The following RC3H2 variants were observed in gnomAD, a reference collection of about 807,000 sequenced individuals.
RC3H2 encodes ring finger and CCCH-type domains 2.
Under a neutral mutation model 133.3 loss-of-function variants are expected in RC3H2, and 31 were observed. The ratio of observed to expected loss-of-function variants is 0.23; its 90% confidence interval spans 0.17 to 0.31. RC3H2 has a LOEUF of 0.31. RC3H2 is among the 10% of genes least tolerant of loss of function. The pLI is 1.00. For missense variants in RC3H2, 1,175 were observed against 1,437.2 expected (o/e 0.82, Z 2.95); for synonymous variants, 517 against 502.2 (o/e 1.03, Z -0.40).
chr9:122,854,283 G>C lies in RC3H2; in HGVS notation c.2901-17C>G, dbSNP rs904021134. 3 of 1,584,848 alleles carry C rather than the reference G, an allele frequency of 1.9e-6. No individual in the cohort carries two copies. The highest frequency in any genetic ancestry group is 2.7e-5 in the African/African-American group (2 of 74,078). On this transcript the variant is annotated splice_polypyrimidine_tract_variant and intron_variant, in intron 16 of 20. Coordinates refer to ENST00000357244, the MANE Select transcript of RC3H2 (RefSeq NM_001100588.3). ...AATCTGTCCCTTTAAAGAGAAATAT[G>C]TTTATTGTAATAAAAGTGAAGTGAA...
intron 18 of RC3H2, 30 bp downstream of exon 18, chr9:122,853,922 G>A: frequency 6.2e-7 from 1 of 1,614,178 alleles, no homozygotes; most frequent in Non-Finnish European, 8.5e-7. Context: ...AATACATTAA[G>A]CATGAAGCCG....
At chr9:122,869,858 C>T (rs931056404) in intron 9 of RC3H2, among the ~76,000 whole-genome samples, 1 of 152,164 alleles carries the variant, frequency 6.6e-6, no homozygotes, top group African/African-American at 2.4e-5. Flanking sequence ...GCATAAGCCA[C>T]TGTGCCTGGC....
rs933094135 is a variant in RC3H2 at position 122,846,246 on chromosome 9, A to G, written c.*3381T>C. 6.6e-6 allele frequency: 1 copy of G among 152,238 alleles called. No homozygotes were observed. Among genetic ancestry groups the G allele is most frequent in the Non-Finnish European group, 1.5e-5 (1 of 68,036 alleles). 9.4% of individuals were successfully genotyped at this position (152,238 alleles called of 1,614,324 possible). Reference sequence around the variant, plus strand: ...TAGATCCATACAAATGGAAAATTTCAGTTCTTGTATAGGAAATTTCTTTTA... The same window carrying G: ...TAGATCCATACAAATGGAAAATTTCGGTTCTTGTATAGGAAATTTCTTTTA... On this transcript the variant is annotated 3_prime_UTR_variant, in exon 21 of 21. Transcript: ENST00000357244.
chr9:122,868,155 G>C (rs1352641347), intron 9 of RC3H2, among the ~76,000 whole-genome samples: 4 of 148,202 alleles, frequency 2.7e-5, no homozygotes, highest in Non-Finnish European at 4.5e-5. Flanking sequence ...CCGCCCTGTC[G>C]GGGATGTGAG....
chr9:122,861,469 A>G (rs1234322289), intron 10 of RC3H2, among the ~76,000 whole-genome samples: 2 of 148,406 alleles, frequency 1.3e-5, no homozygotes, highest in African/African-American at 2.5e-5. Context: ...CAGCCCAGGC[A>G]ACAAGAGCGA....
intron 18 of RC3H2, 55 bp downstream of exon 18, chr9:122,853,897 C>A (rs779393329): frequency 1.2e-6 from 2 of 1,614,150 alleles, no homozygotes; most frequent in Non-Finnish European, 1.7e-6. Flanking sequence ...AACCAAGATG[C>A]AGCAGCAGAA....
chr9:122,890,587 T>C, intron 3 of RC3H2, 42 bp from the exon 4 acceptor site: 1 of 1,485,578 alleles, frequency 6.7e-7, no homozygotes, highest in Non-Finnish European at 9.2e-7. Flanking sequence ...GTTTTTTCAA[T>C]AAAAAATAAA....
chr9:122,859,251 G>GTTTTTTTTT (rs1564287865), intron 11 of RC3H2, 149 bp from the exon 12 acceptor site: 6 of 307,346 alleles, frequency 2.0e-5, no homozygotes, highest in East Asian at 2.1e-4. Flanking sequence ...TTATACCCTG[G>GTTTTTTTTT]CTTTTTTTTT....
rs1165401074 is a variant in RC3H2 at position 122,845,407 on chromosome 9, T to C, written c.*4220A>G. On this transcript the variant is annotated 3_prime_UTR_variant, in exon 21 of 21. Transcript: ENST00000357244. ...AGCTAAGAGAATGCATGCACTTCCA[T>C]GCCTTGGGTTATAAAGTGAGGCCTA... 6.6e-6 allele frequency: 1 copy of C among 152,214 alleles called. No homozygotes were observed. Among genetic ancestry groups the C allele is most frequent in the Admixed American group, 6.5e-5 (1 of 15,286 alleles). 9.4% of individuals were successfully genotyped at this position (152,214 alleles called of 1,614,324 possible).
chr9:122,900,571 TA>T (rs1832616255), intron 1 of RC3H2, among the ~76,000 whole-genome samples: 1 of 152,122 alleles, frequency 6.6e-6, no homozygotes, highest in Non-Finnish European at 1.5e-5. Context: ...AAAGAGCATA[TA>T]AATGAACCAT....
chr9:122,858,567 G>A, intron 12 of RC3H2, 102 bp downstream of exon 12: 2 of 948,674 alleles, frequency 2.1e-6, no homozygotes, highest in Non-Finnish European at 3.2e-6. Context: ...ACTTCCTTAA[G>A]TCACACAATT....
chr9:122,867,232 G>T (rs1353035053), intron 9 of RC3H2, among the ~76,000 whole-genome samples: 4 of 87,766 alleles, frequency 4.6e-5, no homozygotes, highest in African/African-American at 4.7e-5. Context: ...GGAGGGAGGT[G>T]GGGGGATCAG....
chr9:122,884,533 G>A (rs556210732), intron 4 of RC3H2, among the ~76,000 whole-genome samples: 15 of 152,118 alleles, frequency 9.9e-5, no homozygotes, highest in African/African-American at 3.4e-4. Context: ...TTAATCATTG[G>A]AGAACATCAG....
At chr9:122,866,675 G>A (rs1270184327) in intron 9 of RC3H2, among the ~76,000 whole-genome samples, 2 of 152,118 alleles carry the variant, frequency 1.3e-5, no homozygotes, top group African/African-American at 2.4e-5. Context: ...CGGAGGTGCC[G>A]GGATTGCAGA....
chr9:122,868,599 C>T (rs557907693), intron 9 of RC3H2, among the ~76,000 whole-genome samples: 1 of 152,142 alleles, frequency 6.6e-6, no homozygotes, highest in Non-Finnish European at 1.5e-5. Flanking sequence ...GGGACACAAA[C>T]GCTGCGGAAG....
intron 9 of RC3H2, among the ~76,000 whole-genome samples, chr9:122,869,371 A>G (rs1016089211): frequency 6.6e-6 from 1 of 152,180 alleles, no homozygotes; most frequent in Non-Finnish European, 1.5e-5. Context: ...CCTTCACAAT[A>G]GTTTCCCTTT....
At chr9:122,860,156 C>G in intron 10 of RC3H2, 25 bp from the exon 11 acceptor site, 1 of 1,559,122 alleles carries the variant, frequency 6.4e-7, no homozygotes, top group African/African-American at 1.4e-5. Context: ...TAACAAAGGG[C>G]AAAGGAGAAA....
chr9:122,877,411 A>T, intron 9 of RC3H2, 60 bp downstream of exon 9: 1 of 1,329,210 alleles, frequency 7.5e-7, no homozygotes, highest in East Asian at 2.3e-5. Context: ...AGGACTGTAT[A>T]TAACATTCCC....
intron 9 of RC3H2, among the ~76,000 whole-genome samples, chr9:122,873,274 T>C (rs1286930840): frequency 6.6e-6 from 1 of 152,206 alleles, no homozygotes; most frequent in African/African-American, 2.4e-5. Flanking sequence ...TTTCTAATCC[T>C]TTGTATTATC....
Sources: gnomAD v4.1 joint callset for allele counts (sites outside exome capture counted in the v4.1 genomes callset) on GRCh38, gnomAD v4.1.1 for gene constraint, MANE v1.5 for transcripts, NCBI Gene and HGNC (gene_info 2026-07-23, HGNC 2026-07-21) for gene names.